AFF3: variants seen among roughly 807,000 people sequenced by gnomAD.
AFF3 encodes ALF transcription elongation factor 3.
In AFF3, 32 loss-of-function variants were observed where a neutral mutation model predicts 129.7. That is an observed-to-expected ratio of 0.25 (90% CI 0.19 to 0.33). The LOEUF is 0.33. Ranked by LOEUF, AFF3 falls within the 10% of genes least tolerant of loss-of-function variation. AFF3 has a pLI of 1.00. For missense variants in AFF3, 1,373 were observed against 1,592.0 expected, an observed-to-expected ratio of 0.86 and a Z score of 2.34; for synonymous variants, 644 against 635.4, an observed-to-expected ratio of 1.01 and a Z score of -0.20.
chr2:99,935,434 C>T (rs1576381004), intron 7 of AFF3, among the ~76,000 whole-genome samples: 1 of 152,178 alleles, frequency 6.6e-6, no homozygotes, highest in East Asian at 1.9e-4. Context: ...GAGAGGGGAG[C>T]AGGTATTTTC....
At chr2:99,798,020 A>C (rs1685672896) in intron 8 of AFF3, among the ~76,000 whole-genome samples, 1 of 152,118 alleles carries the variant, frequency 6.6e-6, no homozygotes, top group African/African-American at 2.4e-5. Context: ...TTATAATTTG[A>C]ATATGTTTAA....
intron 7 of AFF3, among the ~76,000 whole-genome samples, chr2:99,838,849 G>A (rs1190195987): frequency 2.0e-5 from 3 of 152,180 alleles, no homozygotes; most frequent in African/African-American, 7.2e-5. Flanking sequence ...ACCAGTGACC[G>A]TTCCATCACA....
intron 7 of AFF3, among the ~76,000 whole-genome samples, chr2:99,920,855 T>C (rs945887518): frequency 1.2e-4 from 18 of 152,076 alleles, no homozygotes; most frequent in African/African-American, 4.1e-4. Flanking sequence ...ACAAAATCTA[T>C]TAGCAATAAA....
chr2:99,754,393 G>A (rs906582035), intron 8 of AFF3, among the ~76,000 whole-genome samples: 1 of 152,114 alleles, frequency 6.6e-6, no homozygotes, highest in Non-Finnish European at 1.5e-5. Context: ...ACAACATTGC[G>A]AAGTACAAAC....
chr2:99,817,221 G>A (rs181309340), intron 8 of AFF3, among the ~76,000 whole-genome samples: 61 of 152,262 alleles, frequency 4.0e-4, no homozygotes, highest in African/African-American at 1.3e-3. Context: ...CAGAGGAGAC[G>A]CCTACAACAA....
intron 13 of AFF3, among the ~76,000 whole-genome samples, chr2:99,609,781 C>A (rs914766671): frequency 1.3e-5 from 2 of 152,174 alleles, no homozygotes; most frequent in African/African-American, 4.8e-5. Context: ...CAGTACAATA[C>A]CAAAACCAGA....
chr2:100,103,706 A>T (rs1690945522), intron 4 of AFF3, among the ~76,000 whole-genome samples: 1 of 151,704 alleles, frequency 6.6e-6, no homozygotes. Flanking sequence ...AGCGTGGCAT[A>T]AAGGGATACC....
At chr2:99,744,644 G>A (rs1206539212) in intron 9 of AFF3, among the ~76,000 whole-genome samples, 1 of 152,070 alleles carries the variant, frequency 6.6e-6, no homozygotes, top group East Asian at 1.9e-4. Context: ...TACAATATGT[G>A]ACCTTTGTGA....
chr2:99,676,323 G>A (rs909199869), intron 11 of AFF3, among the ~76,000 whole-genome samples: 3 of 152,176 alleles, frequency 2.0e-5, no homozygotes, highest in African/African-American at 4.8e-5. Context: ...CTTTCTAGAT[G>A]TTACTTTGTC....
rs1194773685 is a variant in AFF3, at chr2:99,744,136, G to A, written c.1007C>T (p.Ser336Phe). The A allele has an allele frequency of 6.2e-7, 1 of 1,604,666 alleles. No individual in the cohort carries two copies. The highest frequency in any genetic ancestry group is 8.5e-7 in the Non-Finnish European group (1 of 1,175,730). The change falls in exon 10 of 25, where the codon TCT becomes TTT. Residue 336 changes from serine to phenylalanine, a missense_variant. Ser to Phe is a radical substitution (Grantham distance 155, BLOSUM62 -2). Transcript: ENST00000672756. Reference sequence around the variant, plus strand: ...ATTGTGTCCAGAGGATACAAGCTGAGAGTCCTGAAAGAACAAGAAATATCA... The same window carrying A: ...ATTGTGTCCAGAGGATACAAGCTGAAAGTCCTGAAAGAACAAGAAATATCA... ...PTKFPFPNKD[S>F]QLVSSGHNNP...
At chr2:99,749,930 G>A (rs1681490851) in intron 9 of AFF3, among the ~76,000 whole-genome samples, 1 of 152,090 alleles carries the variant, frequency 6.6e-6, no homozygotes, top group Non-Finnish European at 1.5e-5. Context: ...CCAGTGATGG[G>A]GTGAATGGGC....
Position 99,568,840 on chromosome 2 carries a change from A to G in AFF3, c.2982+12T>C. 1 of 1,613,722 alleles carries G rather than the reference A, an allele frequency of 6.2e-7. No homozygotes were observed. Among genetic ancestry groups the G allele is most frequent in the Non-Finnish European group, 8.5e-7 (1 of 1,179,632 alleles). On this transcript the variant is annotated intron_variant, in intron 19 of 24. Coordinates refer to ENST00000672756, the MANE Select transcript of AFF3 (RefSeq NM_001386135.1). ...ATTTGGAAGAACGTATCTGGAAAGA[A>G]AAGGGTCTCACCATTGCATCTGCTT...
intron 8 of AFF3, among the ~76,000 whole-genome samples, chr2:99,824,037 A>G (rs1687887686): frequency 6.6e-6 from 1 of 152,158 alleles, no homozygotes; most frequent in Non-Finnish European, 1.5e-5. Context: ...CCTCAGCATC[A>G]TGCAATATAC....
At chr2:100,105,814 T>TC (rs1573443668) in intron 2 of AFF3, 1 of 1,348,534 alleles carries the variant, frequency 7.4e-7, no homozygotes, top group South Asian at 1.2e-5. Context: ...CACCAGGGAT[T>TC]CCCCAGAATT....
intron 11 of AFF3, among the ~76,000 whole-genome samples, chr2:99,701,670 G>T (rs1035813751): frequency 6.6e-6 from 1 of 152,182 alleles, no homozygotes; most frequent in Non-Finnish European, 1.5e-5. Context: ...GATTTCAACA[G>T]TTATGCATGG....
chr2:99,687,922 G>A (rs969794337), intron 11 of AFF3, among the ~76,000 whole-genome samples: 2 of 151,996 alleles, frequency 1.3e-5, no homozygotes, highest in Non-Finnish European at 2.9e-5. Flanking sequence ...AGCTTACTGC[G>A]ACCTCCGCCT....
chr2:99,769,885 G>T (rs1480688487), intron 8 of AFF3, among the ~76,000 whole-genome samples: 1 of 152,198 alleles, frequency 6.6e-6, no homozygotes, highest in Non-Finnish European at 1.5e-5. Flanking sequence ...GCCTGGGGCT[G>T]GGGGTGGGGT....
intron 2 of AFF3, among the ~76,000 whole-genome samples, chr2:100,120,585 C>T (rs547507200): frequency 6.6e-6 from 1 of 151,852 alleles, no homozygotes; most frequent in African/African-American, 2.4e-5. Flanking sequence ...AAGAAATTCT[C>T]CCCTTAACTT....
Position 99,602,513 on chromosome 2 carries a change from T to C in AFF3, c.1185-892A>G, listed in dbSNP as rs947663795. On this transcript the variant is annotated intron_variant, in intron 13 of 24. Transcript: ENST00000672756. ...AAATAGCATACATCCACCCAGAAAG[T>C]GTTTGAGCAGAAAAGAAAATTTCAG... Among the ~76,000 whole-genome samples, 6 of 152,256 alleles carry C rather than the reference T, an allele frequency of 3.9e-5. No homozygotes were observed. In the South Asian group the frequency reaches 1.0e-3, roughly 26 times the overall value.
Sources: gnomAD v4.1 joint callset for allele counts (sites outside exome capture counted in the v4.1 genomes callset) on GRCh38, gnomAD v4.1.1 for gene constraint, MANE v1.5 for transcripts, NCBI Gene and HGNC (gene_info 2026-07-23, HGNC 2026-07-21) for gene names.